Variants in DKK2 observed in about 807,000 individuals in gnomAD.
DKK2 encodes dickkopf Wnt signaling pathway inhibitor 2.
DKK2 carries 11 observed loss-of-function variants against 28.1 expected under a neutral mutation model. The ratio of observed to expected loss-of-function variants is 0.39; its 90% CI spans 0.25 to 0.65. DKK2 has a LOEUF of 0.65. DKK2 is among the 30% of genes least tolerant of loss of function. The pLI is 0.47. For missense variants in DKK2, 326 were observed against 335.5 expected (o/e 0.97, Z 0.22); for synonymous variants, 135 against 126.5 (o/e 1.07, Z -0.45).
At chr4:106,968,641 C>A (rs396196) in intron 1 of DKK2, among the ~76,000 whole-genome samples, 2 of 151,890 alleles carry the variant, frequency 1.3e-5, no homozygotes. Flanking sequence ...TGACACAGTG[C>A]GCCTAACAGA....
intron 1 of DKK2, among the ~76,000 whole-genome samples, chr4:107,002,128 G>T (rs1016610844): frequency 2.6e-5 from 4 of 152,070 alleles, no homozygotes; most frequent in African/African-American, 7.2e-5. Flanking sequence ...TCAAAGAAAA[G>T]AAATCTTCAA....
At chr4:106,962,038 G>A (rs1166911634) in intron 1 of DKK2, among the ~76,000 whole-genome samples, 1 of 152,074 alleles carries the variant, frequency 6.6e-6, no homozygotes, top group Non-Finnish European at 1.5e-5. Context: ...GCAGTGGACT[G>A]GTTTTAACCA....
chr4:106,938,663 T>C (rs570377922), intron 1 of DKK2, among the ~76,000 whole-genome samples: 1 of 152,070 alleles, frequency 6.6e-6, no homozygotes, highest in South Asian at 2.1e-4. Flanking sequence ...AACAAAAAAA[T>C]AGAATTTTAG....
intron 1 of DKK2, among the ~76,000 whole-genome samples, chr4:106,933,945 G>GT (rs1158813569): frequency 6.6e-6 from 1 of 151,790 alleles, no homozygotes; most frequent in African/African-American, 2.4e-5. Flanking sequence ...AAATGAGGAC[G>GT]TAAGTTTCCT....
chr4:106,932,714 T>C (rs1724521479), intron 1 of DKK2, among the ~76,000 whole-genome samples: 1 of 152,172 alleles, frequency 6.6e-6, no homozygotes, highest in African/African-American at 2.4e-5. Context: ...CTCTATAATT[T>C]GTAATTGGAT....
chr4:106,991,903 G>A (rs1454135566), intron 1 of DKK2, among the ~76,000 whole-genome samples: 2 of 152,062 alleles, frequency 1.3e-5, no homozygotes, highest in Non-Finnish European at 2.9e-5. Context: ...TGATCATTTT[G>A]CACCTGGATC....
At chr4:107,005,240 C>A (rs190029727) in intron 1 of DKK2, among the ~76,000 whole-genome samples, 53 of 149,282 alleles carry the variant, frequency 3.6e-4, no homozygotes, top group Admixed American at 5.4e-4. Flanking sequence ...ACTCCGGAGG[C>A]TGAGGCAGGA....
At chr4:106,927,095 A>G (rs1353797011) in intron 1 of DKK2, among the ~76,000 whole-genome samples, 1 of 152,148 alleles carries the variant, frequency 6.6e-6, no homozygotes, top group Non-Finnish European at 1.5e-5. Context: ...TAAGCTATGT[A>G]TTTGTTTTTA....
intron 1 of DKK2, among the ~76,000 whole-genome samples, chr4:106,972,435 A>G (rs1052415371): frequency 1.1e-4 from 16 of 151,736 alleles, no homozygotes; most frequent in African/African-American, 3.6e-4. Context: ...AAAAAAAAAA[A>G]GACTTTGTTT....
Position 107,036,196 on chromosome 4 carries a change from G to C in DKK2, c.-605C>G, listed in dbSNP as rs1723964150. The C allele has an allele frequency of 6.6e-6, 1 of 152,668 alleles. No individual in the cohort carries two copies. Among genetic ancestry groups the C allele is most frequent in the African/African-American group, 2.4e-5 (1 of 41,448 alleles). The allele number at this position is 152,668 out of a possible 1,614,324, so 9.5% of individuals were successfully genotyped here. A position where few individuals can be genotyped will look rare whatever the true frequency, so the allele number is the denominator to read the frequency against. On this transcript the variant is annotated 5_prime_UTR_variant, in exon 1 of 4. Coordinates refer to ENST00000285311, the MANE Select transcript of DKK2 (RefSeq NM_014421.3). ...GTCCCCCACACGCGCACTCACAGTT[G>C]CCCCGAAGCGTTGTCCCCTGACTCA...
At chr4:106,972,202 A>C (rs1722878166) in intron 1 of DKK2, among the ~76,000 whole-genome samples, 1 of 151,958 alleles carries the variant, frequency 6.6e-6, no homozygotes, top group Non-Finnish European at 1.5e-5. Context: ...CCCCCGCCTC[A>C]CCACTTCTCC....
chr4:106,941,586 A>C (rs906993266), intron 1 of DKK2, among the ~76,000 whole-genome samples: 2 of 152,174 alleles, frequency 1.3e-5, no homozygotes, highest in African/African-American at 4.8e-5. Context: ...CTCACACAGC[A>C]GTTTATGCAG....
intron 1 of DKK2, among the ~76,000 whole-genome samples, chr4:106,940,348 A>G (rs1185909744): frequency 6.6e-6 from 1 of 152,166 alleles, no homozygotes; most frequent in Non-Finnish European, 1.5e-5. Context: ...GCCAAAAAAC[A>G]CATGAAAAAA....
intron 1 of DKK2, among the ~76,000 whole-genome samples, chr4:106,932,177 T>C (rs1322950052): frequency 2.0e-5 from 3 of 152,140 alleles, no homozygotes; most frequent in African/African-American, 7.2e-5. Context: ...ATTTTAAGGC[T>C]AGGGTAGTTA....
At chr4:107,029,200 G>T (rs1413887304) in intron 1 of DKK2, among the ~76,000 whole-genome samples, 3 of 152,106 alleles carry the variant, frequency 2.0e-5, no homozygotes, top group Non-Finnish European at 4.4e-5. Context: ...TTCAAGTATA[G>T]AGAGAGAAGA....
At chr4:107,009,906 A>G (rs1236709331) in intron 1 of DKK2, among the ~76,000 whole-genome samples, 1 of 151,762 alleles carries the variant, frequency 6.6e-6, no homozygotes, top group Non-Finnish European at 1.5e-5. Flanking sequence ...TTCTGTGGGA[A>G]TTCTCCTCGA....
At position 106,952,324 on chromosome 4, in the gene DKK2, CA is replaced by C. The variant is rs555670941; in HGVS notation, c.223-26376del. Among the ~76,000 whole-genome samples the C allele has an allele frequency of 7.8e-3, 1,188 of 152,146 alleles. 6 individuals are homozygous for C. Among genetic ancestry groups the C allele is most frequent in the Non-Finnish European group, 0.012 (828 of 67,972 alleles). On this transcript the variant is annotated intron_variant, in intron 1 of 3. Coordinates refer to ENST00000285311, the MANE Select transcript of DKK2 (RefSeq NM_014421.3). ...AATGCTGTGATTATATATTAAACTC[CA>C]AAAAGTACCCTCTTGGCTTTAGTTA...
chr4:106,950,851 A>C (rs1724847907), intron 1 of DKK2, among the ~76,000 whole-genome samples: 1 of 152,192 alleles, frequency 6.6e-6, no homozygotes, highest in East Asian at 1.9e-4. Flanking sequence ...TAACACATCC[A>C]TGAAACCATA....
intron 1 of DKK2, among the ~76,000 whole-genome samples, chr4:106,957,502 C>T (rs956961812): frequency 6.6e-6 from 1 of 151,880 alleles, no homozygotes; most frequent in Non-Finnish European, 1.5e-5. Flanking sequence ...TGGAACCAAC[C>T]CAAATGTCCA....
Sources: allele counts gnomAD v4.1 joint callset (sites outside exome capture counted in the v4.1 genomes callset), GRCh38; gene constraint gnomAD v4.1.1; transcripts MANE v1.5; gene names NCBI Gene and HGNC (gene_info 2026-07-23, HGNC 2026-07-21).